The following ROBO2 variants were observed in gnomAD, a reference collection of about 807,000 sequenced individuals.
ROBO2 encodes the protein roundabout homolog 2.
ROBO2 carries 53 observed loss-of-function variants against 160.8 expected under a neutral mutation model. That is an observed-to-expected ratio of 0.33 (90% CI 0.26 to 0.41). The LOEUF is 0.41. Among genes scored for constraint, ROBO2 ranks in the 10% least tolerant of loss-of-function variants. The pLI, the probability that ROBO2 is intolerant of heterozygous loss-of-function variation, is 1.00. For synonymous variants in ROBO2, 664 were observed against 611.7 expected (o/e 1.09, Z -1.26); for missense variants, 1,577 against 1,722.4 (o/e 0.92, Z 1.49).
intron 5 of ROBO2, among the ~76,000 whole-genome samples, chr3:77,512,008 A>G (rs1474867556): frequency 6.6e-6 from 1 of 151,926 alleles, no homozygotes; most frequent in African/African-American, 2.4e-5. Context: ...TATTCACCTC[A>G]CCCAAACTGT....
intron 2 of ROBO2, among the ~76,000 whole-genome samples, chr3:76,873,579 C>CGTCGTCGTCGTT (rs2072360746): frequency 6.6e-6 from 1 of 151,982 alleles, no homozygotes; most frequent in African/African-American, 2.4e-5. Context: ...TAGTAGTCGT[C>CGTCGTCGTCGTT]GTCGTCGTCG....
chr3:77,307,752 G>A (rs183035048), intron 2 of ROBO2, among the ~76,000 whole-genome samples: 51 of 152,122 alleles, frequency 3.4e-4, no homozygotes, highest in Non-Finnish European at 3.8e-4. Flanking sequence ...GCATGGTGGC[G>A]GGCGCCTGTA....
chr3:75,949,032 A>G (rs1360216380), intron 2 of ROBO2, among the ~76,000 whole-genome samples: 1 of 152,132 alleles, frequency 6.6e-6, no homozygotes, highest in Non-Finnish European at 1.5e-5. Flanking sequence ...CTCTTACACA[A>G]AGATCATATT....
At chr3:77,247,453 A>C (rs1350904536) in intron 2 of ROBO2, among the ~76,000 whole-genome samples, 1 of 152,216 alleles carries the variant, frequency 6.6e-6, no homozygotes, top group African/African-American at 2.4e-5. Context: ...CGTGTACTCT[A>C]CACGTGGAGG....
At chr3:77,303,743 T>C (rs559873961) in intron 2 of ROBO2, among the ~76,000 whole-genome samples, 1 of 152,156 alleles carries the variant, frequency 6.6e-6, no homozygotes, top group East Asian at 1.9e-4. Context: ...AAAATCATCA[T>C]GTTGTACATC....
At chr3:77,432,543 G>T (rs1008015453) in intron 2 of ROBO2, among the ~76,000 whole-genome samples, 1 of 152,062 alleles carries the variant, frequency 6.6e-6, no homozygotes, top group African/African-American at 2.4e-5. Flanking sequence ...GCCAACTCTG[G>T]TTCACCCCCT....
intron 2 of ROBO2, among the ~76,000 whole-genome samples, chr3:76,799,240 A>AG (rs1422034527): frequency 6.6e-6 from 1 of 151,908 alleles, no homozygotes; most frequent in East Asian, 1.9e-4. Context: ...AAACAAAAAA[A>AG]AAACGTATAT....
chr3:76,969,960 C>T (rs2059495614), intron 2 of ROBO2, among the ~76,000 whole-genome samples: 1 of 152,078 alleles, frequency 6.6e-6, no homozygotes, highest in African/African-American at 2.4e-5. Flanking sequence ...GAGTACCTTG[C>T]AAATCTCTCC....
At chr3:76,517,453 C>A (rs890171204) in intron 2 of ROBO2, among the ~76,000 whole-genome samples, 10 of 152,154 alleles carry the variant, frequency 6.6e-5, no homozygotes, top group African/African-American at 2.4e-4. Context: ...CTTCATCTTC[C>A]AGATCAGAAA....
chr3:76,657,126 A>T lies in ROBO2; in HGVS notation c.110-440888A>T, dbSNP rs114723971. Among the ~76,000 whole-genome samples the T allele has an allele frequency of 2.1e-3, 318 of 151,888 alleles. 1 individual carries two copies. Among genetic ancestry groups the T allele is most frequent in the African/African-American group, 7.4e-3 (305 of 41,400 alleles). ...ATGTCTTTCTTTTTGATTTTTTTCAAGATTTTAAAAATGCATTGGCTGGGC... is the reference window on the plus strand; with the variant it reads ...ATGTCTTTCTTTTTGATTTTTTTCATGATTTTAAAAATGCATTGGCTGGGC... On this transcript the variant is annotated intron_variant, in intron 2 of 26. Coordinates refer to the ROBO2 transcript ENST00000487694.
chr3:76,950,979 T>C (rs909723076), intron 2 of ROBO2, among the ~76,000 whole-genome samples: 4 of 152,162 alleles, frequency 2.6e-5, no homozygotes, highest in African/African-American at 9.7e-5. Flanking sequence ...TCTCCCTCCT[T>C]GGCCTTTTAA....
At chr3:76,655,367 T>C (rs1476853650) in intron 2 of ROBO2, among the ~76,000 whole-genome samples, 1 of 140,606 alleles carries the variant, frequency 7.1e-6, no homozygotes, top group East Asian at 2.2e-4. Flanking sequence ...TGCTAATATT[T>C]ATAAAAACAA....
At chr3:76,246,004 A>C (rs1033576951) in intron 2 of ROBO2, among the ~76,000 whole-genome samples, 1 of 152,156 alleles carries the variant, frequency 6.6e-6, no homozygotes, top group African/African-American at 2.4e-5. Flanking sequence ...TGAAAGGTAC[A>C]TATATATGCT....
chr3:77,457,006 T>C (rs1268780312), intron 2 of ROBO2, among the ~76,000 whole-genome samples: 1 of 152,188 alleles, frequency 6.6e-6, no homozygotes, highest in Non-Finnish European at 1.5e-5. Flanking sequence ...AGATAAACCT[T>C]GCTATTTGCT....
intron 2 of ROBO2, among the ~76,000 whole-genome samples, chr3:76,993,116 C>T (rs1656490094): frequency 6.6e-6 from 1 of 152,044 alleles, no homozygotes; most frequent in Admixed American, 6.6e-5. Context: ...CTGTGCCCAG[C>T]CTAAAATCTC....
chr3:77,360,061 G>T (rs575218207), intron 2 of ROBO2, among the ~76,000 whole-genome samples: 1 of 152,132 alleles, frequency 6.6e-6, no homozygotes, highest in Non-Finnish European at 1.5e-5. Flanking sequence ...AATCTCTGCT[G>T]TGTTCCAGCA....
intron 2 of ROBO2, among the ~76,000 whole-genome samples, chr3:77,432,082 C>T (rs936893464): frequency 6.6e-6 from 1 of 152,104 alleles, no homozygotes; most frequent in African/African-American, 2.4e-5. Context: ...TACTCTATGC[C>T]TCTAGCTTTT....
chr3:75,932,615 C>T (rs1477815840), intron 1 of ROBO2, among the ~76,000 whole-genome samples: 1 of 152,192 alleles, frequency 6.6e-6, no homozygotes, highest in African/African-American at 2.4e-5. Context: ...GGGAGAAGTG[C>T]GTGTTATGTT....
chr3:76,878,851 C>A (rs552485817), intron 2 of ROBO2, among the ~76,000 whole-genome samples: 1 of 152,090 alleles, frequency 6.6e-6, no homozygotes, highest in Non-Finnish European at 1.5e-5. Flanking sequence ...AATGCAAAAA[C>A]AAACAGGGTT....
Sources: allele counts gnomAD v4.1 joint callset (sites outside exome capture counted in the v4.1 genomes callset), GRCh38; gene constraint gnomAD v4.1.1; transcripts MANE v1.5; gene names NCBI Gene and HGNC (gene_info 2026-07-23, HGNC 2026-07-21).